The following KATNA1 variants were observed in gnomAD, a reference collection of about 807,000 sequenced individuals.
KATNA1 encodes the protein katanin catalytic subunit A1.
Under a neutral mutation model 62.6 loss-of-function variants are expected in KATNA1, and 42 were observed. That is an observed-to-expected ratio of 0.67 (90% confidence interval 0.52 to 0.87). KATNA1 has a LOEUF of 0.87. Among genes scored for constraint, KATNA1 ranks in the 40% least tolerant of loss-of-function variants. The pLI is 0.00. For missense variants in KATNA1, 498 were observed against 612.5 expected (o/e 0.81, Z 1.97); for synonymous variants, 186 against 201.9 (o/e 0.92, Z 0.67).
At chr6:149,631,636 A>G (rs1779845132) in intron 3 of KATNA1, 1 of 152,128 alleles carries the variant, frequency 6.6e-6, no homozygotes, top group Admixed American at 6.6e-5. Context: ...AAACAATCTG[A>G]TCAACATCTT....
intron 1 of KATNA1, among the ~76,000 whole-genome samples, chr6:149,639,883 G>A (rs1050715415): frequency 5.9e-5 from 9 of 152,176 alleles, no homozygotes; most frequent in Non-Finnish European, 1.3e-4. Flanking sequence ...TGAAAGGTGT[G>A]AGACTATATG....
intron 1 of KATNA1, 109 bp from the exon 2 acceptor site, chr6:149,638,669 T>A: frequency 1.8e-6 from 1 of 546,248 alleles, no homozygotes; most frequent in Non-Finnish European, 3.2e-6. Flanking sequence ...CAATCACACA[T>A]ACCACACTTC....
At chr6:149,635,141 G>T (rs991978452) in intron 2 of KATNA1, among the ~76,000 whole-genome samples, 7 of 152,070 alleles carry the variant, frequency 4.6e-5, no homozygotes, top group African/African-American at 1.7e-4. Flanking sequence ...AGCCAGGCAT[G>T]TTGGTTTGTG....
chr6:149,596,864 T>C (rs1196103241), intron 10 of KATNA1, among the ~76,000 whole-genome samples, 199 bp downstream of exon 10: 2 of 152,018 alleles, frequency 1.3e-5, no homozygotes, highest in African/African-American at 4.8e-5. Flanking sequence ...AAGATATTGA[T>C]CTGTCTTAAT....
chr6:149,603,244 A>G (rs781402657), intron 6 of KATNA1, 24 bp downstream of exon 6: 12 of 972,122 alleles, frequency 1.2e-5, no homozygotes, highest in Non-Finnish European at 1.7e-5. Flanking sequence ...TACTTTGACA[A>G]TGCCATCACA....
chr6:149,617,101 T>C (rs1443569831), intron 4 of KATNA1, among the ~76,000 whole-genome samples: 1 of 152,198 alleles, frequency 6.6e-6, no homozygotes, highest in Non-Finnish European at 1.5e-5. Flanking sequence ...GTACCTCGAA[T>C]AGTCAAATTC....
At chr6:149,634,275 AAAAATAAAATAAAAT>A (rs377557364) in intron 2 of KATNA1, among the ~76,000 whole-genome samples, 69 of 134,020 alleles carry the variant, frequency 5.1e-4, no homozygotes, top group Middle Eastern at 3.5e-3. Context: ...TCCATCTCAA[AAAAATAAAATAAAAT>A]AAAATAAAAT....
chr6:149,643,860 T>C (rs1036072555), intron 1 of KATNA1, among the ~76,000 whole-genome samples: 8 of 151,342 alleles, frequency 5.3e-5, no homozygotes, highest in Non-Finnish European at 1.2e-4. Flanking sequence ...TTTTTTTTGG[T>C]ATGTTTTGTA....
chr6:149,633,938 C>T (rs919424637), intron 2 of KATNA1, among the ~76,000 whole-genome samples: 1 of 151,826 alleles, frequency 6.6e-6, no homozygotes, highest in Admixed American at 6.6e-5. Flanking sequence ...GCCTGGGCAA[C>T]AAGAGTGAAA....
At chr6:149,634,350 A>G (rs946544590) in intron 2 of KATNA1, among the ~76,000 whole-genome samples, 7 of 150,090 alleles carry the variant, frequency 4.7e-5, no homozygotes, top group African/African-American at 1.8e-4. Context: ...AAAGTTAGGC[A>G]TAACTTTAAA....
intron 3 of KATNA1, among the ~76,000 whole-genome samples, chr6:149,623,835 G>A (rs1466748976): frequency 6.6e-6 from 1 of 152,072 alleles, no homozygotes; most frequent in East Asian, 1.9e-4. Context: ...TAATGGAGGG[G>A]AAGTAATGGT....
rs1353321433 is a variant in KATNA1 at position 149,611,418 on chromosome 6, C to T, written c.502-6636G>A. 1.2e-4 allele frequency among the ~76,000 whole-genome samples: 17 copies of T among 142,334 alleles called. 1 individual carries two copies. Among genetic ancestry groups the T allele is most frequent in the African/African-American group, 3.9e-4 (15 of 38,276 alleles). 93.4% of individuals were successfully genotyped at this position (142,334 alleles called of 152,430 possible). On this transcript the variant is annotated intron_variant, in intron 4 of 10. Transcript: ENST00000367411. ...TGGAGGTTGCAGTGAGCTGAGATGG[C>T]GCCATCGTACTCCAGCCTGGGCAAC... is the stretch of plus-strand genomic sequence containing the variant.
chr6:149,608,674 A>G (rs530114298), intron 4 of KATNA1, among the ~76,000 whole-genome samples: 6 of 152,322 alleles, frequency 3.9e-5, no homozygotes, highest in South Asian at 4.1e-4. Flanking sequence ...AATGAAATGA[A>G]CAAGAGCCCC....
intron 3 of KATNA1, 140 bp from the exon 4 acceptor site, chr6:149,623,423 T>C (rs1779486200): frequency 1.8e-6 from 1 of 563,612 alleles, no homozygotes; most frequent in Non-Finnish European, 2.9e-6. Context: ...AACTTCAGGA[T>C]GTTGAAACCT....
rs539595940 is a variant in KATNA1 at position 149,616,771 on chromosome 6, T to C, written c.501+6332A>G. 1.6e-4 allele frequency among the ~76,000 whole-genome samples: 25 copies of C among 152,032 alleles called. No individual in the cohort carries two copies. In the South Asian group the frequency reaches 3.3e-3, roughly 20 times the overall value. On this transcript the variant is annotated intron_variant, in intron 4 of 10. Coordinates refer to ENST00000367411, the MANE Select transcript of KATNA1 (RefSeq NM_007044.4). ...TCTGTCTTAAAAAAAAAATTAAAAA[T>C]GGAATTACCATATGACCCAGCAAAT...
intron 4 of KATNA1, among the ~76,000 whole-genome samples, chr6:149,607,655 C>G (rs9377229): frequency 0.017 from 2,592 of 152,090 alleles, 26 homozygotes; most frequent in Non-Finnish European, 0.027. Flanking sequence ...AAACAGTAAC[C>G]AGTAGGAAGT....
In KATNA1 at chr6:149,599,815, GC is replaced by G. The variant is rs1341869989; in HGVS notation, c.889-1466del. On this transcript the variant is annotated intron_variant, in intron 7 of 10. Coordinates refer to ENST00000367411, the MANE Select transcript of KATNA1 (RefSeq NM_007044.4). Reference sequence around the variant, plus strand: ...TTACAGGCATGAGCCACCATGCCGGGCCCCTCTCATTCCTATTCCACTACTT... The same window carrying G: ...TTACAGGCATGAGCCACCATGCCGGGCCCTCTCATTCCTATTCCACTACTT... 2.6e-5 allele frequency among the ~76,000 whole-genome samples: 4 copies of G among 152,082 alleles called. No homozygotes were observed. The East Asian group carries it at 7.7e-4, about 29-fold the overall frequency.
At chr6:149,618,232 C>T (rs1291141141) in intron 4 of KATNA1, among the ~76,000 whole-genome samples, 1 of 150,846 alleles carries the variant, frequency 6.6e-6, no homozygotes, top group Admixed American at 6.6e-5. Flanking sequence ...AATCCCAGCA[C>T]TTTGGGAGGT....
chr6:149,625,279 T>A (rs974866512), intron 3 of KATNA1, among the ~76,000 whole-genome samples: 1 of 152,092 alleles, frequency 6.6e-6, no homozygotes, highest in Non-Finnish European at 1.5e-5. Flanking sequence ...CACTGAGACA[T>A]GAGATGAGGG....
Sources: gnomAD v4.1 joint callset for allele counts (sites outside exome capture counted in the v4.1 genomes callset) on GRCh38, gnomAD v4.1.1 for gene constraint, MANE v1.5 for transcripts, NCBI Gene and HGNC (gene_info 2026-07-23, HGNC 2026-07-21) for gene names.